The following GRAMD1A variants were observed in gnomAD, a reference collection of about 807,000 sequenced individuals.
GRAMD1A encodes the protein protein Aster-A.
In GRAMD1A, 50 loss-of-function variants were observed where a neutral mutation model predicts 92.0. That is an observed-to-expected ratio of 0.54 (90% CI 0.43 to 0.69). GRAMD1A has a LOEUF of 0.69. GRAMD1A is among the 30% of genes least tolerant of loss of function. The pLI is 0.00. For missense variants in GRAMD1A, 819 were observed against 978.9 expected, an observed-to-expected ratio of 0.84 and a Z score of 2.18; for synonymous variants, 405 against 403.6, an observed-to-expected ratio of 1.00 and a Z score of -0.04.
rs984337859 is a variant in GRAMD1A, at chr19:35,019,467, A to G, written c.1409A>G (p.Gln470Arg). The G allele has an allele frequency of 1.9e-6, 3 of 1,613,900 alleles. No individual in the cohort carries two copies. Among genetic ancestry groups the G allele is most frequent in the Non-Finnish European group, 2.5e-6 (3 of 1,179,872 alleles). Residue 470 changes from glutamine to arginine, a missense_variant, in exon 13 of 20, where the codon CAG becomes CGG. By Grantham distance (43) the Gln-to-Arg change is conservative. Transcript: ENST00000317991. ...GTGCTGACGCAGGGCATCCCCTACC[A>G]GGACTACTTCTACACTGCCCACCGC... ...SEVLTQGIPY[Q>R]DYFYTAHRYC...
intron 1 of GRAMD1A, among the ~76,000 whole-genome samples, chr19:35,005,105 C>T (rs1371107298): frequency 2.6e-5 from 4 of 151,520 alleles, no homozygotes; most frequent in Non-Finnish European, 5.9e-5. Context: ...GAAGGAGGGC[C>T]GATCACCCAG....
At chr19:35,011,204 G>T (rs928140185) in intron 6 of GRAMD1A, among the ~76,000 whole-genome samples, 1 of 152,036 alleles carries the variant, frequency 6.6e-6, no homozygotes, top group Non-Finnish European at 1.5e-5. Context: ...CCTCTGGGCT[G>T]ACCCTGTCTA....
chr19:35,015,376 GC>G, intron 10 of GRAMD1A: 1 of 156,328 alleles, frequency 6.4e-6, no homozygotes, highest in East Asian at 1.9e-4. Context: ...AGAGAGAGCA[GC>G]CTATTTTTCC....
rs374409679 is a variant in GRAMD1A at position 35,010,075 on chromosome 19, C to T, written c.326-17C>T. The T allele has an allele frequency of 2.2e-5, 34 of 1,577,186 alleles. No individual in the cohort carries two copies. The African/African-American group carries it at 2.3e-4, about 11-fold the overall frequency. On this transcript the variant is annotated splice_polypyrimidine_tract_variant and intron_variant, in intron 4 of 19. Coordinates refer to ENST00000317991, the MANE Select transcript of GRAMD1A (RefSeq NM_020895.5). ...TCGTGACTTGGGTGTCCTCCTGTCT[C>T]TCCCCGCCCCTCTCAGATTACTCCT...
At chr19:35,011,335 G>A in intron 6 of GRAMD1A, 139 bp from the exon 7 acceptor site, 1 of 762,178 alleles carries the variant, frequency 1.3e-6, no homozygotes, top group Non-Finnish European at 2.4e-6. Context: ...GACGTTTTGT[G>A]GAACTAATGC....
intron 10 of GRAMD1A, chr19:35,015,170 C>CT (rs951379858): frequency 1.0e-4 from 16 of 152,514 alleles, no homozygotes; most frequent in African/African-American, 3.9e-4. Context: ...GACCCTGTCT[C>CT]TAAAACGAAC....
chr19:35,003,913 G>A (rs1269284606), intron 1 of GRAMD1A, among the ~76,000 whole-genome samples: 5 of 152,206 alleles, frequency 3.3e-5, no homozygotes, highest in African/African-American at 7.2e-5. Flanking sequence ...CTTTGTTCAG[G>A]AAGGCTTTTG....
At chr19:35,018,173 A>G (rs1201943846) in intron 11 of GRAMD1A, among the ~76,000 whole-genome samples, 1 of 152,044 alleles carries the variant, frequency 6.6e-6, no homozygotes, top group Non-Finnish European at 1.5e-5. Context: ...TTTTTAGTAG[A>G]GACGGGGTTT....
chr19:35,016,968 T>TG (rs1216649253), intron 11 of GRAMD1A, among the ~76,000 whole-genome samples: 2 of 149,644 alleles, frequency 1.3e-5, no homozygotes, highest in Non-Finnish European at 3.0e-5. Flanking sequence ...GCCCAGAAGT[T>TG]GGAGACCAGC....
In GRAMD1A at chr19:35,014,287, C is replaced by G. The variant is rs771804307; in HGVS notation, c.969C>G (p.Thr323=). ...CTGAACCCCCGAGCACAGAGCCCAC[C>G]CAGCCTGACGGGCCCACCACCCTGG... ...PVAEPPSTEP[T]QPDGPTTLGP... The change falls in exon 10 of 20, where the codon ACC becomes ACG. Residue 323 remains threonine (T), a synonymous_variant. Transcript: ENST00000317991. 1 of 1,614,168 alleles carries G rather than the reference C, an allele frequency of 6.2e-7. No homozygotes were observed. Among genetic ancestry groups the G allele is most frequent in the Non-Finnish European group, 8.5e-7 (1 of 1,179,988 alleles).
chr19:34,996,239 C>T (rs568063155), upstream of GRAMD1A: 283 of 1,535,670 alleles, frequency 1.8e-4, 1 homozygote, highest in East Asian at 4.1e-3. Flanking sequence ...CCCAACCCCC[C>T]GACGCCGGCA....
At chr19:34,995,279 C>G (rs1165172402) in intron 1 of GRAMD1A, among the ~76,000 whole-genome samples, 1 of 152,186 alleles carries the variant, frequency 6.6e-6, no homozygotes, top group Non-Finnish European at 1.5e-5. Flanking sequence ...CAGAGAACAC[C>G]CAGGGCTTTC....
At chr19:35,004,015 T>G (rs190177575) in intron 1 of GRAMD1A, among the ~76,000 whole-genome samples, 98 of 152,234 alleles carry the variant, frequency 6.4e-4, no homozygotes, top group African/African-American at 2.3e-3. Flanking sequence ...TCACTTGAGG[T>G]CAGGAGTTTG....
At position 35,009,905 on chromosome 19, in the gene GRAMD1A, T is replaced by C. The variant is rs527474695; in HGVS notation, c.258T>C (p.Tyr86=). The C allele has an allele frequency of 1.7e-5, 27 of 1,610,502 alleles. No individual in the cohort carries two copies. In the East Asian group the frequency reaches 2.5e-4, roughly 15 times the overall value. The change falls in exon 4 of 20, where the codon TAT becomes TAC. Residue 86 remains tyrosine (Y), a synonymous_variant. Coordinates refer to ENST00000317991, the MANE Select transcript of GRAMD1A (RefSeq NM_020895.5). ...QSWYSMLSPT[Y]KQRNEDFRKL... is the part of the protein sequence containing the mutation. ...TTCCTCAGATGCTGAGCCCCACTTA[T>C]AAGCAGCGTAATGAGGACTTCCGGA... is the stretch of plus-strand genomic sequence containing the variant.
intron 3 of GRAMD1A, 47 bp from the exon 4 acceptor site, chr19:35,009,840 TG>T: frequency 9.1e-7 from 1 of 1,101,724 alleles, no homozygotes; most frequent in Admixed American, 1.7e-5. Flanking sequence ...GGGGCAGCAT[TG>T]GGAGTGTGAA....
chr19:35,017,040 T>C (rs987872442), intron 11 of GRAMD1A, among the ~76,000 whole-genome samples: 5 of 151,268 alleles, frequency 3.3e-5, no homozygotes, highest in African/African-American at 1.2e-4. Context: ...CTGAGCATGA[T>C]GCTGCCCACC....
upstream of GRAMD1A, among the ~76,000 whole-genome samples, chr19:34,997,402 A>AAAG (rs1169067579): frequency 1.8e-3 from 273 of 151,298 alleles, no homozygotes; most frequent in African/African-American, 5.7e-3. Context: ...AAAAAAAAAA[A>AAAG]AAGAAGAAGA....
chr19:35,000,018 G>A, upstream of GRAMD1A: 1 of 984,794 alleles, frequency 1.0e-6, no homozygotes. This position sits in a 1 kb window ranked among gnomAD's most constrained non-coding sequence, Gnocchi z 4.9. Flanking sequence ...CTTCTGGCCA[G>A]GGGCATAGTA....
chr19:35,002,467 CT>C (rs1272919479), intron 1 of GRAMD1A: 1 of 152,682 alleles, frequency 6.5e-6, no homozygotes, highest in African/African-American at 2.4e-5. Context: ...GTGGCACGAT[CT>C]CGGCTCACTG....
Sources: gnomAD v4.1 joint callset for allele counts (sites outside exome capture counted in the v4.1 genomes callset) on GRCh38, gnomAD v4.1.1 for gene constraint, Gnocchi (gnomAD v3.1) non-coding constraint, MANE v1.5 for transcripts, NCBI Gene and HGNC (gene_info 2026-07-23, HGNC 2026-07-21) for gene names.